The following PTGES variants were observed in gnomAD, a reference collection of about 807,000 sequenced individuals.
PTGES encodes MGST1-like 1.
Under a neutral mutation model 11.8 loss-of-function variants are expected in PTGES, and 3 were observed. That is an observed-to-expected ratio of 0.25 (90% CI 0.12 to 0.66). The LOEUF (loss-of-function observed/expected upper bound fraction) is 0.66. PTGES is among the 30% of genes least tolerant of loss of function. The pLI is 0.82. For synonymous variants in PTGES, 94 were observed against 90.4 expected, an observed-to-expected ratio of 1.04 and a Z score of -0.22; for missense variants, 180 against 213.0, an observed-to-expected ratio of 0.85 and a Z score of 0.96.
At position 129,744,550 on chromosome 9, in the gene PTGES, C is replaced by T. The variant is rs372965102; in HGVS notation, c.209+4105G>A. ...GGATTCCACTGCACTCCAGCCTGGG[C>T]GACAGAGCAAGACCCTGTCACAAAA... On this transcript the variant is annotated intron_variant, in intron 2 of 2. Transcript: ENST00000340607. Among the ~76,000 whole-genome samples the T allele has an allele frequency of 1.4e-4, 18 of 131,888 alleles. No individual in the cohort carries two copies. The East Asian group carries it at 3.3e-3, about 24-fold the overall frequency. 86.5% of individuals were successfully genotyped at this position (131,888 alleles called of 152,430 possible).
At chr9:129,742,945 A>C (rs1016855500) in intron 2 of PTGES, among the ~76,000 whole-genome samples, 2 of 152,206 alleles carry the variant, frequency 1.3e-5, no homozygotes, top group African/African-American at 4.8e-5. Context: ...TCACAAACAT[A>C]GCCAAACCCT....
At chr9:129,740,072 G>A (rs1364747508) in intron 2 of PTGES, among the ~76,000 whole-genome samples, 2 of 151,988 alleles carry the variant, frequency 1.3e-5, no homozygotes, top group African/African-American at 4.8e-5. Flanking sequence ...AAGCAGCTGA[G>A]GCAGCGAGGC....
intron 2 of PTGES, among the ~76,000 whole-genome samples, chr9:129,740,229 G>A (rs1049649987): frequency 2.6e-5 from 4 of 152,116 alleles, no homozygotes; most frequent in African/African-American, 9.7e-5. Flanking sequence ...GGGACTCAGA[G>A]GTGCTGAGTG....
intron 1 of PTGES, among the ~76,000 whole-genome samples, chr9:129,749,231 C>A (rs1248969528): frequency 6.6e-6 from 1 of 150,606 alleles, no homozygotes; most frequent in East Asian, 2.0e-4. Context: ...ATCTCTAAAA[C>A]AAGCCAGGTG....
intron 2 of PTGES, among the ~76,000 whole-genome samples, chr9:129,741,538 G>A (rs557453721): frequency 6.6e-6 from 1 of 152,336 alleles, no homozygotes; most frequent in South Asian, 2.1e-4. Flanking sequence ...TTCTCACCCA[G>A]CGGTGGGGAA....
intron 1 of PTGES, 40 bp from the exon 2 acceptor site, chr9:129,748,777 A>C: frequency 6.6e-7 from 1 of 1,515,776 alleles, no homozygotes; most frequent in Non-Finnish European, 9.0e-7. Flanking sequence ...CGTGAGACAA[A>C]CGGCCCAGTC....
intron 1 of PTGES, 138 bp downstream of exon 1, chr9:129,752,749 C>T: frequency 7.6e-7 from 1 of 1,315,060 alleles, no homozygotes; most frequent in Admixed American, 1.8e-5. Flanking sequence ...AGGAAGCCCC[C>T]CGGCGGGGCT....
chr9:129,748,618 G>A lies in PTGES; in HGVS notation c.209+37C>T, dbSNP rs780136539. The stretch of plus-strand genomic sequence containing the variant: ...AGAAGTTCTGAAAGGGCAGGCCATG[G>A]CCAGGTGTGGCCAGGCCAGGGGCCC... On this transcript the variant is annotated intron_variant, in intron 2 of 2. Transcript: ENST00000340607. 21 of 1,495,056 alleles carry A rather than the reference G, an allele frequency of 1.4e-5. No homozygotes were observed. In the South Asian group the frequency reaches 2.6e-4, roughly 19 times the overall value. 92.6% of individuals were successfully genotyped at this position (1,495,056 alleles called of 1,614,324 possible). A position where few individuals can be genotyped will look rare whatever the true frequency, so the allele number is the denominator to read the frequency against.
rs3884098 is a variant in PTGES, at chr9:129,739,427, C to CACACAT, written c.*178_*183dup. The CACACAT allele has an allele frequency of 0.17, 125,234 of 753,422 alleles. 12,282 individuals carry two copies. The highest frequency in any genetic ancestry group is 0.35 in the African/African-American group (19,707 of 55,984). The allele number at this position is 753,422 out of a possible 1,614,324, so 46.7% of individuals were successfully genotyped here. On this transcript the variant is annotated 3_prime_UTR_variant, in exon 3 of 3. Transcript: ENST00000340607. The surrounding 1 kb of genome is among the most constrained non-coding windows in gnomAD (Gnocchi z 5.7). Reference sequence around the variant, plus strand: ...TCCAAGGGGCTAAGAAACATACACACACACATACACACACACGGGCACACA... The same window carrying CACACAT: ...TCCAAGGGGCTAAGAAACATACACACACACATACACATACACACACACGGGCACACA...
At chr9:129,751,457 T>C (rs1181156642) in intron 1 of PTGES, among the ~76,000 whole-genome samples, 1 of 150,964 alleles carries the variant, frequency 6.6e-6, no homozygotes, top group Non-Finnish European at 1.5e-5. Context: ...GGCGGGTGGA[T>C]CACCTGAGGT....
In PTGES at chr9:129,745,983, G is replaced by A. The variant is rs539340110; in HGVS notation, c.209+2672C>T. On this transcript the variant is annotated intron_variant, in intron 2 of 2. Transcript: ENST00000340607. This position sits in a 1 kb window ranked among gnomAD's most constrained non-coding sequence, Gnocchi z 4.2. The stretch of plus-strand genomic sequence containing the variant: ...CGGGAGGCAGAGGTTGCAGAGAGCC[G>A]AGATCGTGCCATTGCATTTCAGCCT... Among the ~76,000 whole-genome samples the A allele has an allele frequency of 1.3e-5, 2 of 151,498 alleles. No homozygotes were observed. Among genetic ancestry groups the A allele is most frequent in the Middle Eastern group, 3.4e-3 (1 of 294 alleles).
At chr9:129,743,227 T>C (rs1012523242) in intron 2 of PTGES, among the ~76,000 whole-genome samples, 8 of 152,292 alleles carry the variant, frequency 5.3e-5, no homozygotes, top group Admixed American at 2.0e-4. Flanking sequence ...TCGTCTGGTC[T>C]GTCTCAAACC....
At chr9:129,741,790 A>C (rs973667352) in intron 2 of PTGES, among the ~76,000 whole-genome samples, 2 of 152,162 alleles carry the variant, frequency 1.3e-5, no homozygotes, top group African/African-American at 2.4e-5. Flanking sequence ...CTGTAATCCC[A>C]GCTACTCGGG....
At chr9:129,752,403 G>A (rs749509449) in intron 1 of PTGES, among the ~76,000 whole-genome samples, 1 of 152,222 alleles carries the variant, frequency 6.6e-6, no homozygotes, top group Non-Finnish European at 1.5e-5. Flanking sequence ...GCACCCCGAC[G>A]GTGCCCGGCT....
chr9:129,743,777 T>C (rs1455628145), intron 2 of PTGES, among the ~76,000 whole-genome samples: 1 of 152,024 alleles, frequency 6.6e-6, no homozygotes, highest in Non-Finnish European at 1.5e-5. Flanking sequence ...GAGCCGAGAG[T>C]GCCAGGCCCC....
intron 2 of PTGES, among the ~76,000 whole-genome samples, chr9:129,741,621 T>C (rs1473949715): frequency 6.6e-6 from 1 of 152,094 alleles, no homozygotes. Flanking sequence ...AGGGAAGACA[T>C]AAGAGGGAGA....
chr9:129,746,897 G>A (rs1292256870), intron 2 of PTGES, among the ~76,000 whole-genome samples: 1 of 152,162 alleles, frequency 6.6e-6, no homozygotes, highest in South Asian at 2.1e-4. Context: ...GGGATTTTAC[G>A]AAGCCAGTTT....
Position 129,744,801 on chromosome 9 carries a change from C to T in PTGES, c.209+3854G>A, listed in dbSNP as rs556796700. ...CTGAAGCAGAAGAATCACTTGAACC[C>T]GGGAGGCGGAGGTTGCAGCAAGCCG... On this transcript the variant is annotated intron_variant, in intron 2 of 2. Coordinates refer to ENST00000340607, the MANE Select transcript of PTGES (RefSeq NM_004878.5). Among the ~76,000 whole-genome samples the T allele has an allele frequency of 1.2e-3, 186 of 151,478 alleles. 3 individuals are homozygous for T. Among genetic ancestry groups the T allele is most frequent in the Admixed American group, 1.3e-3 (20 of 15,154 alleles).
chr9:129,743,646 G>A (rs1181711847), intron 2 of PTGES, among the ~76,000 whole-genome samples: 2 of 152,158 alleles, frequency 1.3e-5, no homozygotes, highest in East Asian at 1.9e-4. Context: ...TGGCATCCAC[G>A]GTGGGGCCAA....
Sources: gnomAD v4.1 joint callset for allele counts (sites outside exome capture counted in the v4.1 genomes callset) on GRCh38, gnomAD v4.1.1 for gene constraint, Gnocchi (gnomAD v3.1) non-coding constraint, MANE v1.5 for transcripts, NCBI Gene and HGNC (gene_info 2026-07-23, HGNC 2026-07-21) for gene names.